The following TMEM178B variants were observed in gnomAD, a reference collection of about 807,000 sequenced individuals.
The protein encoded by TMEM178B is transmembrane protein 178B.
TMEM178B carries 5 observed loss-of-function variants against 31.0 expected under a neutral mutation model. The ratio of observed to expected loss-of-function variants is 0.16; its 90% CI spans 0.08 to 0.34. The LOEUF (loss-of-function observed/expected upper bound fraction) is 0.34, where lower values mean the gene tolerates loss of function less well. TMEM178B is among the 10% of genes least tolerant of loss of function. The pLI is 1.00. For missense variants in TMEM178B, 275 were observed against 400.3 expected, an observed-to-expected ratio of 0.69 and a Z score of 2.67; for synonymous variants, 164 against 164.0, an observed-to-expected ratio of 1.00 and a Z score of 0.00.
chr7:141,093,657 C>T (rs1197968322), intron 1 of TMEM178B, among the ~76,000 whole-genome samples: 1 of 152,154 alleles, frequency 6.6e-6, no homozygotes, highest in Non-Finnish European at 1.5e-5. Context: ...TGATAGAGCT[C>T]AGGGAGATGA....
chr7:141,208,270 A>G (rs1235186324), intron 1 of TMEM178B, among the ~76,000 whole-genome samples: 1 of 152,162 alleles, frequency 6.6e-6, no homozygotes, highest in Non-Finnish European at 1.5e-5. Context: ...GATCTCAACC[A>G]GCCAGTCCTC....
chr7:141,484,544 A>G (rs1007028774), downstream of TMEM178B, among the ~76,000 whole-genome samples: 1 of 151,980 alleles, frequency 6.6e-6, no homozygotes, highest in African/African-American at 2.4e-5. This position sits in a 1 kb window ranked among gnomAD's most constrained non-coding sequence, Gnocchi z 4.8. Flanking sequence ...CACTTCTGCT[A>G]GGTTTTTGTT....
intron 1 of TMEM178B, among the ~76,000 whole-genome samples, chr7:141,190,359 G>A (rs1397192121): frequency 1.3e-5 from 2 of 152,062 alleles, no homozygotes; most frequent in Non-Finnish European, 2.9e-5. Context: ...TGTTGCCCAG[G>A]CTGGAGTACA....
rs1797101372 is a variant in TMEM178B, at chr7:141,214,570, G to T, written c.496+1866G>T. Among the ~76,000 whole-genome samples, 3 of 152,336 alleles carry T rather than the reference G, an allele frequency of 2.0e-5. No homozygotes were observed. In the South Asian group the frequency reaches 6.2e-4, roughly 32 times the overall value. Reference sequence around the variant, plus strand: ...GTGTAAATTGCACAGATACTCTTCAGGGAAACCTGGTAGAACTCTTTTGAC... The same window carrying T: ...GTGTAAATTGCACAGATACTCTTCATGGAAACCTGGTAGAACTCTTTTGAC... On this transcript the variant is annotated intron_variant, in intron 2 of 3. Coordinates refer to ENST00000565468, the MANE Select transcript of TMEM178B (RefSeq NM_001195278.2).
At chr7:141,507,375 CA>C in the TMEM178B span, among the ~76,000 whole-genome samples, 1 of 152,078 alleles carries the variant, frequency 6.6e-6, no homozygotes, top group Non-Finnish European at 1.5e-5. Context: ...TCCCAAACCT[CA>C]ACTCTTTTTT....
At chr7:141,266,445 A>T (rs933077086) in intron 2 of TMEM178B, among the ~76,000 whole-genome samples, 3 of 152,162 alleles carry the variant, frequency 2.0e-5, no homozygotes, top group African/African-American at 4.8e-5. Flanking sequence ...TTCTCAACAG[A>T]TGTTGTACAC....
At chr7:141,095,519 C>T (rs527399620) in intron 1 of TMEM178B, among the ~76,000 whole-genome samples, 15 of 152,192 alleles carry the variant, frequency 9.9e-5, no homozygotes, top group East Asian at 7.7e-4. Context: ...TTCTCTGTTA[C>T]GTTATTGCTG....
chr7:141,195,067 G>A (rs1209043951), intron 1 of TMEM178B, among the ~76,000 whole-genome samples: 1 of 152,164 alleles, frequency 6.6e-6, no homozygotes, highest in East Asian at 1.9e-4. Context: ...TTTCTTCTTG[G>A]GCCTCCAGGC....
chr7:141,317,293 G>T (rs555541691), intron 2 of TMEM178B, among the ~76,000 whole-genome samples: 1 of 152,250 alleles, frequency 6.6e-6, no homozygotes, highest in South Asian at 2.1e-4. Flanking sequence ...GAAGAGAGTG[G>T]GAGGTTGCCT....
At chr7:141,125,415 G>T (rs1795475186) in intron 1 of TMEM178B, among the ~76,000 whole-genome samples, 1 of 152,058 alleles carries the variant, frequency 6.6e-6, no homozygotes, top group Non-Finnish European at 1.5e-5. Context: ...GGATGTGGTG[G>T]CTCACACCTG....
At chr7:141,124,909 A>C (rs1428245529) in intron 1 of TMEM178B, among the ~76,000 whole-genome samples, 1 of 152,202 alleles carries the variant, frequency 6.6e-6, no homozygotes, top group Non-Finnish European at 1.5e-5. Context: ...TTATTTTCTC[A>C]CCAAACAGAA....
chr7:141,204,688 G>A (rs1796934248), intron 1 of TMEM178B, among the ~76,000 whole-genome samples: 1 of 152,200 alleles, frequency 6.6e-6, no homozygotes, highest in South Asian at 2.1e-4. Flanking sequence ...CAGATACTTG[G>A]AGCCATTACT....
chr7:141,341,910 A>G (rs1253218495), intron 2 of TMEM178B, among the ~76,000 whole-genome samples: 1 of 152,094 alleles, frequency 6.6e-6, no homozygotes, highest in Non-Finnish European at 1.5e-5. Context: ...GACTTCTCCA[A>G]TGTCTTCTAG....
the TMEM178B span, among the ~76,000 whole-genome samples, chr7:141,505,867 C>G: frequency 6.6e-6 from 1 of 152,234 alleles, no homozygotes; most frequent in Non-Finnish European, 1.5e-5. Context: ...AGATGGCCCT[C>G]AAGAGCTTCC....
intron 1 of TMEM178B, among the ~76,000 whole-genome samples, chr7:141,106,349 A>G (rs1279021451): frequency 1.3e-5 from 2 of 152,236 alleles, no homozygotes; most frequent in South Asian, 4.1e-4. Flanking sequence ...CCGTTAAATA[A>G]TTTAACAGTA....
chr7:141,203,289 G>T (rs578094043), intron 1 of TMEM178B, among the ~76,000 whole-genome samples: 1 of 152,012 alleles, frequency 6.6e-6, no homozygotes, highest in Admixed American at 6.6e-5. Context: ...TATATTAAGT[G>T]CAGGGGATTA....
At chr7:141,438,208 C>CT (rs1563182715) in intron 3 of TMEM178B, among the ~76,000 whole-genome samples, 2 of 151,908 alleles carry the variant, frequency 1.3e-5, no homozygotes, top group African/African-American at 4.8e-5. Flanking sequence ...AGCTGCCCCC[C>CT]TTTCAAGTAA....
rs796396963 is a variant in TMEM178B at position 141,418,675 on chromosome 7, TTCTTA to T, written c.497-18928_497-18924del. Among the ~76,000 whole-genome samples the T allele has an allele frequency of 2.4e-4, 37 of 152,310 alleles. 1 individual carries two copies. The highest frequency in any genetic ancestry group is 8.2e-4 in the African/African-American group (34 of 41,578). ...CGGTATTCAAATTCTATTCTTACCC[TTCTTA>T]TCTTCTCACTTTATGTTCCATCTCT... On this transcript the variant is annotated intron_variant, in intron 2 of 3. Coordinates refer to ENST00000565468, the MANE Select transcript of TMEM178B (RefSeq NM_001195278.2).
chr7:141,326,280 T>C (rs1250289436), intron 2 of TMEM178B, among the ~76,000 whole-genome samples: 2 of 152,210 alleles, frequency 1.3e-5, no homozygotes, highest in East Asian at 3.8e-4. Flanking sequence ...AAACATGCAT[T>C]ACTTGTATTA....
Sources: allele counts gnomAD v4.1 joint callset (sites outside exome capture counted in the v4.1 genomes callset), GRCh38; gene constraint gnomAD v4.1.1; non-coding constraint Gnocchi (gnomAD v3.1); transcripts MANE v1.5; gene names NCBI Gene and HGNC (gene_info 2026-07-23, HGNC 2026-07-21).